MROH2B: variants seen among roughly 807,000 people sequenced by gnomAD.
MROH2B encodes the protein maestro heat like repeat family member 2B.
MROH2B carries 177 observed loss-of-function variants against 208.6 expected under a neutral mutation model. The observed-to-expected ratio is 0.85, with a 90% CI of 0.75 to 0.96. The LOEUF is 0.96. Among genes scored for constraint, MROH2B ranks in the 40% least tolerant of loss-of-function variants. The pLI is 0.00. For missense variants in MROH2B, 2,002 were observed against 1,878.7 expected, an observed-to-expected ratio of 1.07 and a Z score of -1.21; for synonymous variants, 728 against 659.0, an observed-to-expected ratio of 1.10 and a Z score of -1.60.
intron 39 of MROH2B, 26 bp downstream of exon 39, chr5:41,000,194 G>T: frequency 6.2e-7 from 1 of 1,606,552 alleles, no homozygotes; most frequent in Admixed American, 1.7e-5. Context: ...TGCCTTTTTT[G>T]GAGGCGGCAT....
chr5:41,008,500 A>G (rs1332729051), intron 33 of MROH2B, 106 bp downstream of exon 33: 3 of 1,299,476 alleles, frequency 2.3e-6, no homozygotes, highest in African/African-American at 1.5e-5. Flanking sequence ...TTCTTCATGG[A>G]CAATGGATGC....
intron 24 of MROH2B, among the ~76,000 whole-genome samples, chr5:41,028,269 C>G (rs918148461): frequency 6.6e-6 from 1 of 152,138 alleles, no homozygotes; most frequent in African/African-American, 2.4e-5. Flanking sequence ...ATCTGTTTCT[C>G]TCCTGTCCAC....
At position 41,070,947 on chromosome 5, in the gene MROH2B, A is replaced by G. The variant is rs1743971705; in HGVS notation, c.-95T>C. The G allele has an allele frequency of 5.5e-6, 7 of 1,277,080 alleles. No homozygotes were observed. The highest frequency in any genetic ancestry group is 7.8e-6 in the Non-Finnish European group (7 of 896,506). The allele number at this position is 1,277,080 out of a possible 1,614,324, so 79.1% of individuals were successfully genotyped here. ...AGAGGCAGGTTGGCAAGTTTCTCAT[A>G]TAAGGTTCACATAAGCCTCTCTAAA... On this transcript the variant is annotated 5_prime_UTR_variant, in exon 1 of 42. Transcript: ENST00000399564.
chr5:41,028,525 C>T (rs1225111839), intron 24 of MROH2B, among the ~76,000 whole-genome samples: 1 of 152,052 alleles, frequency 6.6e-6, no homozygotes, highest in Non-Finnish European at 1.5e-5. Context: ...GTATATCTGA[C>T]ATTTTAAAAA....
chr5:41,017,593 A>C (rs1335446417), intron 28 of MROH2B, among the ~76,000 whole-genome samples: 1 of 152,172 alleles, frequency 6.6e-6, no homozygotes, highest in Non-Finnish European at 1.5e-5. Flanking sequence ...CAGATCTAGG[A>C]GACAGATTCT....
chr5:41,063,873 G>A (rs1743717190), intron 5 of MROH2B, among the ~76,000 whole-genome samples: 1 of 152,184 alleles, frequency 6.6e-6, no homozygotes, highest in South Asian at 2.1e-4. Flanking sequence ...CTTCTCTGTA[G>A]GCTCTTGATT....
chr5:41,034,091 A>T (rs761784082), intron 21 of MROH2B: 6 of 984,186 alleles, frequency 6.1e-6, no homozygotes, highest in Non-Finnish European at 7.2e-6. Flanking sequence ...GTCATGAGTA[A>T]GCTGCAGAAG....
rs561770459 is a variant in MROH2B at position 41,045,833 on chromosome 5, C to G, written c.1749G>C (p.Trp583Cys). Residue 583 changes from tryptophan to cysteine, a missense_variant, in exon 18 of 42, where the codon TGG becomes TGC. Physicochemically the swap from Trp to Cys is radical, Grantham distance 215. Coordinates refer to ENST00000399564, the MANE Select transcript of MROH2B (RefSeq NM_173489.5). ...MLLQLLKESL[W>C]KISDVAWTIQ... Reference sequence around the variant, plus strand: ...TGGTCCAGGCCACATCACTGATCTTCCATAAGGATTCTTTGAGCAACTGTT... The same window carrying G: ...TGGTCCAGGCCACATCACTGATCTTGCATAAGGATTCTTTGAGCAACTGTT... 2 of 1,611,774 alleles carry G rather than the reference C, an allele frequency of 1.2e-6. No homozygotes were observed. Among genetic ancestry groups the G allele is most frequent in the African/African-American group, 2.7e-5 (2 of 74,976 alleles).
At chr5:41,061,302 G>T (rs1181499523) in intron 6 of MROH2B, among the ~76,000 whole-genome samples, 1 of 152,160 alleles carries the variant, frequency 6.6e-6, no homozygotes, top group African/African-American at 2.4e-5. Context: ...TTTCATGAGT[G>T]TGGGATTTTG....
At chr5:41,069,205 T>C (rs1478270688) in intron 2 of MROH2B, among the ~76,000 whole-genome samples, 3 of 152,190 alleles carry the variant, frequency 2.0e-5, no homozygotes, top group Non-Finnish European at 4.4e-5. Context: ...GTTTGGAAAA[T>C]ATCTAGCATT....
chr5:41,055,591 T>C (rs1209399021), intron 10 of MROH2B, 151 bp downstream of exon 10: 1 of 585,524 alleles, frequency 1.7e-6, no homozygotes, highest in Non-Finnish European at 3.0e-6. Flanking sequence ...AAAGGAATTG[T>C]AGATTGTGGA....
intron 32 of MROH2B, 141 bp from the exon 33 acceptor site, chr5:41,008,934 A>G (rs1021786758): frequency 3.4e-6 from 3 of 870,564 alleles, no homozygotes; most frequent in Admixed American, 2.9e-5. Flanking sequence ...AAATTTCTCA[A>G]CTCAGGGCCT....
At chr5:41,006,699 A>G (rs1741604373) in intron 34 of MROH2B, among the ~76,000 whole-genome samples, 1 of 152,208 alleles carries the variant, frequency 6.6e-6, no homozygotes, top group African/African-American at 2.4e-5. Context: ...CCTGGATGGA[A>G]TTGGAGACTA....
In MROH2B at chr5:41,005,650, A is replaced by G. The variant is rs1431821198; in HGVS notation, c.3750-5T>C. On this transcript the variant is annotated splice_region_variant and splice_polypyrimidine_tract_variant and intron_variant, in intron 34 of 41. Transcript: ENST00000399564. ...TGTTGCCACACTGCCATGCTCCTAG[A>G]AAATGCACATTTTAGCAGAGACATA... 3.1e-6 allele frequency: 5 copies of G among 1,602,626 alleles called. No homozygotes were observed. The South Asian group carries it at 3.4e-5, about 11-fold the overall frequency.
chr5:41,005,015 A>AC, intron 35 of MROH2B, 95 bp from the exon 36 acceptor site: 1 of 1,470,532 alleles, frequency 6.8e-7, no homozygotes, highest in Non-Finnish European at 9.1e-7. Context: ...TAAAGAGAGG[A>AC]CCCCACTGCT....
intron 24 of MROH2B, among the ~76,000 whole-genome samples, chr5:41,031,317 T>TCA (rs903347299): frequency 3.9e-5 from 6 of 151,954 alleles, no homozygotes; most frequent in African/African-American, 1.5e-4. Flanking sequence ...TCATGAGAAC[T>TCA]CACTCACTAT....
intron 28 of MROH2B, among the ~76,000 whole-genome samples, chr5:41,016,192 C>G (rs1023972766): frequency 1.3e-5 from 2 of 148,650 alleles, no homozygotes; most frequent in Non-Finnish European, 3.0e-5. Flanking sequence ...ATTTTCAAAA[C>G]TGAGAAGTGT....
intron 33 of MROH2B, 24 bp downstream of exon 33, chr5:41,008,582 G>A (rs1741667894): frequency 6.2e-7 from 1 of 1,610,872 alleles, no homozygotes; most frequent in African/African-American, 1.3e-5. Context: ...CACTGTGGAA[G>A]ATGCTTCCTG....
chr5:41,005,438 T>A, intron 35 of MROH2B, 93 bp downstream of exon 35: 1 of 266,376 alleles, frequency 3.8e-6, no homozygotes, highest in Non-Finnish European at 7.5e-6. Flanking sequence ...GAAGTCTCTC[T>A]TCCCTGGTTC....
Sources: gnomAD v4.1 joint callset for allele counts (sites outside exome capture counted in the v4.1 genomes callset) on GRCh38, gnomAD v4.1.1 for gene constraint, MANE v1.5 for transcripts, NCBI Gene and HGNC (gene_info 2026-07-23, HGNC 2026-07-21) for gene names.